The following CSMD1 variants were observed in gnomAD, a reference collection of about 807,000 sequenced individuals.
CSMD1 encodes the protein CUB and Sushi multiple domains 1, also known as CUB and sushi domain-containing protein 1.
In CSMD1, 213 loss-of-function variants were observed where a neutral mutation model predicts 417.5. The ratio of observed to expected loss-of-function variants is 0.51; its 90% CI spans 0.46 to 0.57. The LOEUF is 0.57. CSMD1 is among the 20% of genes least tolerant of loss of function. The pLI, the probability that CSMD1 is intolerant of heterozygous loss-of-function variation, is 0.00. For synonymous variants in CSMD1, 2,862 were observed against 1,736.8 expected (o/e 1.65, Z -16.11); for missense variants, 6,923 against 4,529.7 (o/e 1.53, Z -15.17).
At chr8:4,309,314 G>C (rs1192152001) in intron 3 of CSMD1, among the ~76,000 whole-genome samples, 5 of 152,022 alleles carry the variant, frequency 3.3e-5, no homozygotes, top group Non-Finnish European at 7.4e-5. Context: ...TATTTAGCAT[G>C]TTATTTTATA....
rs7005454 is a variant in CSMD1 at position 4,795,334 on chromosome 8, C to G, written c.86-157776G>C. The stretch of plus-strand genomic sequence containing the variant: ...TCGCCTAGGCTGGAGTGCAGTGACA[C>G]GATCTTGGCTCACTGCAAGCTCCGC... On this transcript the variant is annotated intron_variant, in intron 1 of 69. Transcript: ENST00000635120. Among the ~76,000 whole-genome samples the G allele has an allele frequency of 6.1e-3, 771 of 125,940 alleles. 10 individuals are homozygous for G. Among genetic ancestry groups the G allele is most frequent in the African/African-American group, 0.022 (743 of 33,046 alleles). The allele number at this position is 125,940 out of a possible 152,430, so 82.6% of individuals were successfully genotyped here.
At chr8:4,152,658 G>T (rs952159241) in intron 3 of CSMD1, among the ~76,000 whole-genome samples, 1 of 151,590 alleles carries the variant, frequency 6.6e-6, no homozygotes, top group Non-Finnish European at 1.5e-5. Context: ...CCAGCGCACC[G>T]CAACCCAAGC....
chr8:4,276,159 G>C (rs932485877), intron 3 of CSMD1, among the ~76,000 whole-genome samples: 6 of 152,088 alleles, frequency 3.9e-5, no homozygotes, highest in Admixed American at 2.0e-4. Flanking sequence ...ATGCTATAAA[G>C]ACACATGCAC....
intron 7 of CSMD1, among the ~76,000 whole-genome samples, chr8:3,650,674 G>C (rs1008081261): frequency 2.0e-5 from 3 of 152,150 alleles, no homozygotes; most frequent in African/African-American, 7.2e-5. Context: ...AGAACTGTTC[G>C]AAGTGGTAAA....
chr8:4,708,694 G>A (rs112411967), intron 1 of CSMD1, among the ~76,000 whole-genome samples: 9 of 151,938 alleles, frequency 5.9e-5, no homozygotes, highest in African/African-American at 1.7e-4. Context: ...TTAAGAGAAA[G>A]ATTTCCCAAC....
intron 23 of CSMD1, among the ~76,000 whole-genome samples, chr8:3,310,122 G>A (rs117468864): frequency 0.017 from 2,583 of 152,244 alleles, 38 homozygotes; most frequent in Middle Eastern, 0.048. Context: ...GAAATTAGGG[G>A]GATGGTTTCA....
At position 3,497,841 on chromosome 8, in the gene CSMD1, T is replaced by C. The variant is rs139594052; in HGVS notation, c.1345-4115A>G. On this transcript the variant is annotated intron_variant, in intron 10 of 69. Transcript: ENST00000635120. The stretch of plus-strand genomic sequence containing the variant: ...ATTTTTGTGGTTTGGTGGTTTTCTG[T>C]AGTGATATGGTTTTACTTCTTTCTC... Among the ~76,000 whole-genome samples, 197 of 152,356 alleles carry C rather than the reference T, an allele frequency of 1.3e-3. 1 individual carries two copies. The highest frequency in any genetic ancestry group is 4.4e-3 in the African/African-American group (183 of 41,588).
chr8:3,850,499 G>T (rs571994905), intron 5 of CSMD1, among the ~76,000 whole-genome samples: 1 of 152,038 alleles, frequency 6.6e-6, no homozygotes, highest in Non-Finnish European at 1.5e-5. Context: ...GTTCAAGACC[G>T]GCTTGGCCAA....
intron 54 of CSMD1, among the ~76,000 whole-genome samples, chr8:2,987,138 T>C (rs1431064958): frequency 6.6e-6 from 1 of 152,052 alleles, no homozygotes; most frequent in African/African-American, 2.4e-5. Context: ...ATTTTACTGA[T>C]AAAATAATAA....
At chr8:3,659,143 G>T (rs1340030116) in intron 7 of CSMD1, among the ~76,000 whole-genome samples, 2 of 152,144 alleles carry the variant, frequency 1.3e-5, no homozygotes, top group Admixed American at 6.5e-5. Context: ...AAAATAAAAT[G>T]TAACTTGTTG....
Position 2,978,672 on chromosome 8 carries a change from A to G in CSMD1, c.8506T>C (p.Ser2836Pro), listed in dbSNP as rs779729964. The change falls in exon 55 of 70, where the codon TCT becomes CCT. Residue 2836 changes from serine to proline, a missense_variant. Physicochemically the swap from Ser to Pro is moderately conservative, Grantham distance 74. Transcript: ENST00000635120. ...TTTGCCATACAGGTCAAGGCTGAAG[A>G]TCCCAGCAAGTAAAATCCCTTCTTG... ...HCKKGFYLLGSSALTCMANGL... is the reference protein window; with the variant it reads ...HCKKGFYLLGPSALTCMANGL... The G allele has an allele frequency of 6.2e-7, 1 of 1,610,032 alleles. No individual in the cohort carries two copies. Among genetic ancestry groups the G allele is most frequent in the Admixed American group, 1.7e-5 (1 of 59,520 alleles).
At chr8:3,701,474 A>T (rs964420492) in intron 7 of CSMD1, among the ~76,000 whole-genome samples, 1 of 150,892 alleles carries the variant, frequency 6.6e-6, no homozygotes, top group East Asian at 2.0e-4. Flanking sequence ...GGCTGACATG[A>T]GGGCAAAAGA....
At chr8:3,246,337 G>C (rs1012803951) in intron 26 of CSMD1, among the ~76,000 whole-genome samples, 4 of 152,004 alleles carry the variant, frequency 2.6e-5, no homozygotes, top group Non-Finnish European at 5.9e-5. Context: ...CCTTTATCTG[G>C]TCTTTGCAAA....
chr8:3,044,371 T>C (rs1228574345), intron 50 of CSMD1, among the ~76,000 whole-genome samples: 1 of 152,226 alleles, frequency 6.6e-6, no homozygotes, highest in Non-Finnish European at 1.5e-5. Flanking sequence ...GTTCTTTACT[T>C]TGTCCCAGAA....
chr8:4,818,147 T>G lies in CSMD1; in HGVS notation c.85+176185A>C, dbSNP rs111264688. ...AAGCCTACTCGTAAAATTGCATAAT[T>G]TATGTGACAAATGAGATTTATATAT... On this transcript the variant is annotated intron_variant, in intron 1 of 69. Transcript: ENST00000635120. Among the ~76,000 whole-genome samples, 510 of 152,244 alleles carry G rather than the reference T, an allele frequency of 3.3e-3. 8 individuals carry two copies. The highest frequency in any genetic ancestry group is 0.011 in the African/African-American group (474 of 41,530).
chr8:4,437,435 C>G (rs557045658), intron 2 of CSMD1, among the ~76,000 whole-genome samples: 1 of 152,060 alleles, frequency 6.6e-6, no homozygotes, highest in Admixed American at 6.6e-5. Flanking sequence ...CATGATTATC[C>G]GTAAAATCAG....
intron 7 of CSMD1, among the ~76,000 whole-genome samples, chr8:3,620,145 T>C (rs552592306): frequency 2.6e-5 from 4 of 152,220 alleles, no homozygotes; most frequent in African/African-American, 4.8e-5. Context: ...ATGGATAATA[T>C]ATTTAATTGC....
intron 7 of CSMD1, among the ~76,000 whole-genome samples, chr8:3,653,200 G>C (rs1025022225): frequency 1.3e-5 from 2 of 151,680 alleles, no homozygotes; most frequent in Non-Finnish European, 2.9e-5. Flanking sequence ...ATTTAAAATT[G>C]TAATTATTTC....
intron 5 of CSMD1, among the ~76,000 whole-genome samples, chr8:3,797,059 T>A (rs1190875288): frequency 6.6e-6 from 1 of 151,924 alleles, no homozygotes; most frequent in African/African-American, 2.4e-5. Context: ...GGTAGGGCAA[T>A]GTATCACTTA....
Sources: allele counts gnomAD v4.1 joint callset (sites outside exome capture counted in the v4.1 genomes callset), GRCh38; gene constraint gnomAD v4.1.1; transcripts MANE v1.5; gene names NCBI Gene and HGNC (gene_info 2026-07-23, HGNC 2026-07-21).